The following C10orf71 variants were observed in gnomAD, a reference collection of about 807,000 sequenced individuals.
C10orf71 encodes cardiac-enriched FHL2-interacting protein.
For synonymous variants in C10orf71, 758 were observed against 726.3 expected (o/e 1.04, Z -0.70); for missense variants, 1,869 against 1,804.5 (o/e 1.04, Z -0.65).
chr10:49,318,796 C>G (rs556855255), intron 2 of C10orf71, among the ~76,000 whole-genome samples: 1 of 152,334 alleles, frequency 6.6e-6, no homozygotes, highest in South Asian at 2.1e-4. Context: ...TCTACAGAAA[C>G]AAAGAATGGT....
intron 1 of C10orf71, among the ~76,000 whole-genome samples, chr10:49,312,477 T>C (rs180852745): frequency 2.0e-5 from 3 of 152,330 alleles, no homozygotes; most frequent in Non-Finnish European, 4.4e-5. Flanking sequence ...ATAATTTAGA[T>C]AACGCATCAC....
intron 1 of C10orf71, among the ~76,000 whole-genome samples, chr10:49,303,368 A>T (rs1564681960): frequency 6.6e-6 from 1 of 152,198 alleles, no homozygotes; most frequent in South Asian, 2.1e-4. Context: ...AAGGGCAGAC[A>T]TGGCACAAAC....
intron 1 of C10orf71, among the ~76,000 whole-genome samples, chr10:49,312,434 G>A (rs1196869978): frequency 6.6e-6 from 1 of 152,244 alleles, no homozygotes; most frequent in Non-Finnish European, 1.5e-5. Context: ...CCTGGAGGCA[G>A]AGGGCAAAGC....
Position 49,324,918 on chromosome 10 carries a change from G to A in C10orf71, c.2373G>A (p.Leu791=). The change falls in exon 3 of 3, where the codon CTG becomes CTA. Residue 791 remains leucine (L), a synonymous_variant. Coordinates refer to ENST00000374144, the MANE Select transcript of C10orf71 (RefSeq NM_001135196.2). ...YCALSNGHAC[L]ENRSQGEALQ... ...CCTTAAGCAATGGGCACGCATGCCT[G>A]GAAAACCGCAGCCAGGGGGAAGCAT... is the stretch of plus-strand genomic sequence containing the variant. The A allele has an allele frequency of 5.2e-6, 8 of 1,550,668 alleles. No individual in the cohort carries two copies. Among genetic ancestry groups the A allele is most frequent in the Non-Finnish European group, 6.1e-6 (7 of 1,146,198 alleles).
chr10:49,298,535 G>T (rs1243429451), upstream of C10orf71, among the ~76,000 whole-genome samples: 1 of 152,198 alleles, frequency 6.6e-6, no homozygotes, highest in Admixed American at 6.5e-5. Flanking sequence ...GCAGCCATTG[G>T]GAAGGCAGGC....
rs202101366 is a variant in C10orf71 at position 49,323,515 on chromosome 10, C to T, written c.970C>T (p.Pro324Ser). ...EPCPPERTVS[P>S]CQVQASCSQE... ...CTGTCCTCCTGAGCGCACAGTCTCT[C>T]CCTGCCAGGTCCAGGCCAGCTGCAG... The change falls in exon 3 of 3, where the codon CCC (proline) becomes TCC (serine). Residue 324 changes from proline (P) to serine (S), a missense_variant. Pro to Ser is a moderately conservative substitution (Grantham distance 74). Transcript: ENST00000374144. The T allele has an allele frequency of 2.9e-5, 46 of 1,612,054 alleles. No homozygotes were observed. In the African/African-American group the frequency reaches 5.3e-4, roughly 19 times the overall value.
chr10:49,303,601 G>A (rs115395831), intron 1 of C10orf71, among the ~76,000 whole-genome samples: 2,093 of 152,332 alleles, frequency 0.014, 50 homozygotes, highest in African/African-American at 0.048. Flanking sequence ...TCCTTAAGAA[G>A]GGAAAGGGGG....
At chr10:49,309,297 C>T (rs1457447376) in intron 1 of C10orf71, among the ~76,000 whole-genome samples, 2 of 152,078 alleles carry the variant, frequency 1.3e-5, no homozygotes, top group Non-Finnish European at 2.9e-5. Context: ...AGGGTGGGTC[C>T]CCTGTGATAG....
At chr10:49,302,700 G>C (rs988197731) in intron 1 of C10orf71, among the ~76,000 whole-genome samples, 1 of 152,216 alleles carries the variant, frequency 6.6e-6, no homozygotes, top group African/African-American at 2.4e-5. Context: ...AGATTCTCTA[G>C]AAAGGAGGCT....
At chr10:49,313,101 T>C (rs1451131193) in intron 1 of C10orf71, among the ~76,000 whole-genome samples, 1 of 152,124 alleles carries the variant, frequency 6.6e-6, no homozygotes, top group Non-Finnish European at 1.5e-5. Context: ...TAACAACAAA[T>C]CACCCAGTTA....
intron 1 of C10orf71, among the ~76,000 whole-genome samples, chr10:49,307,192 C>G (rs1848829370): frequency 6.6e-6 from 1 of 152,228 alleles, no homozygotes; most frequent in Non-Finnish European, 1.5e-5. Flanking sequence ...TCTGAGCTCA[C>G]AAGGAGACGC....
rs906410500 is a variant in C10orf71 at position 49,326,572 on chromosome 10, G to A, written c.4027G>A (p.Val1343Met). 3.9e-6 allele frequency: 6 copies of A among 1,550,498 alleles called. No individual in the cohort carries two copies. Among genetic ancestry groups the A allele is most frequent in the South Asian group, 3.6e-5 (3 of 84,056 alleles). ...GTACCCCGGCTTCCAGCCAGTGCCCGTGACGGCCTTGATGCCGCTGCGCTG... is the reference window on the plus strand; with the variant it reads ...GTACCCCGGCTTCCAGCCAGTGCCCATGACGGCCTTGATGCCGCTGCGCTG... Reference protein sequence around the residue: ...VLYPGFQPVPVTALMPLRCSS... With the variant: ...VLYPGFQPVPMTALMPLRCSS... The change falls in exon 3 of 3, where the codon GTG becomes ATG. Residue 1343 changes from valine (V) to methionine (M), a missense_variant. Physicochemically the swap from Val to Met is conservative, Grantham distance 21. Transcript: ENST00000374144.
At chr10:49,310,916 G>T (rs1848901538) in intron 1 of C10orf71, among the ~76,000 whole-genome samples, 1 of 152,000 alleles carries the variant, frequency 6.6e-6, no homozygotes, top group Admixed American at 6.6e-5. Context: ...TATTGCGTGG[G>T]ATACACTTAC....
At position 49,326,092 on chromosome 10, in the gene C10orf71, C is replaced by T. The variant is rs930161211; in HGVS notation, c.3547C>T (p.Arg1183Trp). The change falls in exon 3 of 3, where the codon CGG becomes TGG. Residue 1183 changes from arginine to tryptophan, a missense_variant. Arg to Trp is a moderately radical substitution (Grantham distance 101, BLOSUM62 -3). Coordinates refer to ENST00000374144, the MANE Select transcript of C10orf71 (RefSeq NM_001135196.2). ...VPPKTEKALR[R>W]AKKLASKRRK... ...ACCCAAAACAGAGAAAGCCCTGCGG[C>T]GGGCAAAGAAGCTGGCAAGTAAGAG... The T allele has an allele frequency of 2.4e-5, 38 of 1,551,588 alleles. No homozygotes were observed. The highest frequency in any genetic ancestry group is 1.7e-4 in the Middle Eastern group (1 of 6,014).
Position 49,323,426 on chromosome 10 carries a change from C to T in C10orf71, c.881C>T (p.Ala294Val), listed in dbSNP as rs1849139625. ...QPKLLERKDTAGTVPESKAPK... is the reference protein window; with the variant it reads ...QPKLLERKDTVGTVPESKAPK... ...AAGCTGCTGGAGAGAAAGGACACAGCTGGAACCGTCCCAGAAAGCAAAGCT... is the reference window on the plus strand; with the variant it reads ...AAGCTGCTGGAGAGAAAGGACACAGTTGGAACCGTCCCAGAAAGCAAAGCT... The change falls in exon 3 of 3, where the codon GCT becomes GTT. Residue 294 changes from alanine (A) to valine (V), a missense_variant. Ala to Val is a moderately conservative substitution (Grantham distance 64). Transcript: ENST00000374144. 10 of 1,614,020 alleles carry T rather than the reference C, an allele frequency of 6.2e-6. No homozygotes were observed. The highest frequency in any genetic ancestry group is 8.5e-6 in the Non-Finnish European group (10 of 1,179,894).
At chr10:49,298,627 T>G (rs1033001973), upstream of C10orf71, 3 of 152,270 alleles carry the variant, frequency 2.0e-5, no homozygotes, top group Non-Finnish European at 4.4e-5. Flanking sequence ...ACTTGTCCAC[T>G]GGTGCTTGGA....
chr10:49,314,866 T>C (rs993392270), intron 1 of C10orf71, among the ~76,000 whole-genome samples: 6 of 152,086 alleles, frequency 3.9e-5, no homozygotes, highest in Admixed American at 2.6e-4. Context: ...AGGAAAAAAA[T>C]CAGAATAAAG....
At chr10:49,308,419 A>T (rs1349805571) in intron 1 of C10orf71, among the ~76,000 whole-genome samples, 1 of 152,182 alleles carries the variant, frequency 6.6e-6, no homozygotes, top group Admixed American at 6.5e-5. Flanking sequence ...CCCAGGCTAT[A>T]ACCTGAGTTT....
intron 1 of C10orf71, among the ~76,000 whole-genome samples, chr10:49,302,017 T>G (rs141171918): frequency 3.9e-5 from 6 of 152,272 alleles, no homozygotes; most frequent in Non-Finnish European, 5.9e-5. Flanking sequence ...GGGCTTGAGC[T>G]GCTGAGGAGC....
Sources: allele counts gnomAD v4.1 joint callset (sites outside exome capture counted in the v4.1 genomes callset), GRCh38; gene constraint gnomAD v4.1.1; transcripts MANE v1.5; gene names NCBI Gene and HGNC (gene_info 2026-07-23, HGNC 2026-07-21).